Variants in SDK1 observed in about 807,000 individuals in gnomAD.
SDK1 encodes the protein sidekick cell adhesion molecule 1.
SDK1 carries 157 observed loss-of-function variants against 245.5 expected under a neutral mutation model. The observed-to-expected ratio is 0.64, with a 90% CI of 0.56 to 0.73. The LOEUF (loss-of-function observed/expected upper bound fraction) is 0.73, where lower values mean the gene tolerates loss of function less well. Among genes scored for constraint, SDK1 ranks in the 30% least tolerant of loss-of-function variants. The probability of loss-of-function intolerance (pLI) is 0.00; values close to 1 mark genes in which losing one functional copy is unlikely to be tolerated. For missense variants in SDK1, 3,583 were observed against 3,002.3 expected, an observed-to-expected ratio of 1.19 and a Z score of -4.52; for synonymous variants, 1,647 against 1,278.5, an observed-to-expected ratio of 1.29 and a Z score of -6.15.
chr7:3,953,721 G>T (rs977778997), intron 7 of SDK1, among the ~76,000 whole-genome samples: 2 of 152,138 alleles, frequency 1.3e-5, no homozygotes, highest in Non-Finnish European at 2.9e-5. Context: ...AAGAGCTTTA[G>T]TTTTACATTT....
intron 4 of SDK1, among the ~76,000 whole-genome samples, chr7:3,810,512 TAAC>T (rs1779358731): frequency 6.6e-6 from 1 of 152,150 alleles, no homozygotes; most frequent in Admixed American, 6.5e-5. Flanking sequence ...TTAGTTAAAA[TAAC>T]AAAAGGCCCC....
chr7:3,887,882 G>A (rs1781374009), intron 5 of SDK1, among the ~76,000 whole-genome samples: 1 of 152,134 alleles, frequency 6.6e-6, no homozygotes, highest in South Asian at 2.1e-4. Context: ...CTTAGCAACT[G>A]ACGTAAGATT....
chr7:3,327,620 T>G (rs926074662), intron 1 of SDK1, among the ~76,000 whole-genome samples: 37 of 152,040 alleles, frequency 2.4e-4, no homozygotes, highest in Non-Finnish European at 1.8e-4. Context: ...AGCTGTCCAG[T>G]ATAGGCCCAG....
chr7:4,154,465 G>A (rs114021498), intron 30 of SDK1, among the ~76,000 whole-genome samples: 1,565 of 152,268 alleles, frequency 0.01, 17 homozygotes, highest in African/African-American at 0.036. Flanking sequence ...TTTGGGAGGT[G>A]AGGCATGGGG....
At chr7:3,749,453 C>T (rs903236853) in intron 4 of SDK1, among the ~76,000 whole-genome samples, 7 of 152,226 alleles carry the variant, frequency 4.6e-5, no homozygotes, top group African/African-American at 1.7e-4. Context: ...GCGTGTACCA[C>T]CACGCCTGGC....
chr7:3,808,528 G>A (rs1434765772), intron 4 of SDK1, among the ~76,000 whole-genome samples: 4 of 152,202 alleles, frequency 2.6e-5, no homozygotes, highest in Non-Finnish European at 4.4e-5. Flanking sequence ...CTCAATCCCA[G>A]CCCGACCTGC....
At chr7:3,456,006 G>C (rs1001645885) in intron 1 of SDK1, among the ~76,000 whole-genome samples, 4 of 152,302 alleles carry the variant, frequency 2.6e-5, no homozygotes, top group Admixed American at 1.3e-4. Context: ...CACTGATGTA[G>C]AATTCATGGT....
intron 22 of SDK1, among the ~76,000 whole-genome samples, chr7:4,085,287 G>A (rs1261026414): frequency 6.6e-6 from 1 of 152,114 alleles, no homozygotes; most frequent in Non-Finnish European, 1.5e-5. Flanking sequence ...AGAGACTACT[G>A]AATGAAATTT....
chr7:3,471,718 G>C (rs6974577), intron 1 of SDK1, among the ~76,000 whole-genome samples: 1 of 151,958 alleles, frequency 6.6e-6, no homozygotes, highest in Non-Finnish European at 1.5e-5. Flanking sequence ...AAGAAACAGA[G>C]AAAATACTGC....
At chr7:4,199,624 G>A (rs1046186846) in intron 35 of SDK1, among the ~76,000 whole-genome samples, 20 of 152,130 alleles carry the variant, frequency 1.3e-4, no homozygotes, top group Middle Eastern at 3.2e-3. Context: ...AAAGCTACTC[G>A]GTTTGTTAGA....
chr7:3,332,968 C>A (rs1268133159), intron 1 of SDK1, among the ~76,000 whole-genome samples: 1 of 152,204 alleles, frequency 6.6e-6, no homozygotes, highest in African/African-American at 2.4e-5. Flanking sequence ...GGGAACGAGC[C>A]TCTTTGTCCA....
chr7:4,211,672 C>T (rs1035204211), intron 38 of SDK1, among the ~76,000 whole-genome samples: 15 of 152,228 alleles, frequency 9.9e-5, no homozygotes, highest in East Asian at 5.8e-4. Flanking sequence ...TGCAGTGGCA[C>T]GATTTCTGCT....
At chr7:4,037,510 G>A (rs1269499902) in intron 17 of SDK1, among the ~76,000 whole-genome samples, 1 of 152,098 alleles carries the variant, frequency 6.6e-6, no homozygotes, top group East Asian at 1.9e-4. Flanking sequence ...GCAGCTACTC[G>A]GGAGGCTGAG....
intron 1 of SDK1, among the ~76,000 whole-genome samples, chr7:3,466,466 C>T (rs1263021137): frequency 2.8e-5 from 4 of 142,548 alleles, no homozygotes; most frequent in Non-Finnish European, 6.1e-5. Flanking sequence ...TAGTATGCGT[C>T]CTAATCTCAA....
chr7:4,079,401 A>C (rs1007453927), intron 21 of SDK1, 62 bp from the exon 22 acceptor site: 10 of 1,587,338 alleles, frequency 6.3e-6, no homozygotes, highest in Non-Finnish European at 8.6e-6. Context: ...GACACGTTTG[A>C]TACCTTTCCT....
At chr7:3,754,547 C>G (rs1049546336) in intron 4 of SDK1, among the ~76,000 whole-genome samples, 2 of 152,152 alleles carry the variant, frequency 1.3e-5, no homozygotes, top group Non-Finnish European at 2.9e-5. Context: ...AAAGTTGATT[C>G]TCCTTTCCTC....
intron 1 of SDK1, among the ~76,000 whole-genome samples, chr7:3,478,365 ATTATT>A (rs1298348998): frequency 6.6e-6 from 1 of 152,118 alleles, no homozygotes; most frequent in East Asian, 1.9e-4. Flanking sequence ...GGCATAATAT[ATTATT>A]AGTGCTCTTA....
chr7:3,574,244 G>A (rs1780213931), intron 1 of SDK1, among the ~76,000 whole-genome samples: 1 of 151,808 alleles, frequency 6.6e-6, no homozygotes, highest in Non-Finnish European at 1.5e-5. Context: ...AGCCTCCCGA[G>A]CAGCTGGGAT....
chr7:4,163,858 T>C (rs1257722652), intron 32 of SDK1, among the ~76,000 whole-genome samples: 1 of 152,120 alleles, frequency 6.6e-6, no homozygotes, highest in Non-Finnish European at 1.5e-5. Flanking sequence ...TATGACCATG[T>C]TTGAGGTATG....
Sources: gnomAD v4.1 joint callset for allele counts (sites outside exome capture counted in the v4.1 genomes callset) on GRCh38, gnomAD v4.1.1 for gene constraint, MANE v1.5 for transcripts, NCBI Gene and HGNC (gene_info 2026-07-23, HGNC 2026-07-21) for gene names.